The following MYO18B variants were observed in gnomAD, a reference collection of about 807,000 sequenced individuals.
MYO18B encodes the protein myosin XVIIIB, also known as unconventional myosin-XVIIIb.
A neutral mutation model predicts 273.0 loss-of-function variants in MYO18B; 204 were observed. The observed-to-expected ratio is 0.75, with a 90% CI of 0.67 to 0.84. The LOEUF is 0.84. Among genes scored for constraint, MYO18B ranks in the 40% least tolerant of loss-of-function variants. The probability of loss-of-function intolerance (pLI) is 0.00; values close to 1 mark genes in which losing one functional copy is unlikely to be tolerated. For missense variants in MYO18B, 3,212 were observed against 3,287.6 expected (o/e 0.98, Z 0.56); for synonymous variants, 1,330 against 1,305.7 (o/e 1.02, Z -0.40).
In MYO18B at chr22:25,795,141, C is replaced by A. The variant is rs2087854182; in HGVS notation, c.2377-2812C>A. Among the ~76,000 whole-genome samples, 3 of 152,258 alleles carry A rather than the reference C, an allele frequency of 2.0e-5. 1 individual carries two copies. The South Asian group carries it at 6.2e-4, about 32-fold the overall frequency. On this transcript the variant is annotated intron_variant, in intron 11 of 43. Coordinates refer to ENST00000335473, the MANE Select transcript of MYO18B (RefSeq NM_032608.7). ...CTCCATCGCTGTGCTCTGGGTATAC[C>A]ACTCTTTGTGGCTCCATTCTCCTGC...
chr22:25,844,300 C>T (rs1472594302), intron 18 of MYO18B, among the ~76,000 whole-genome samples: 1 of 152,182 alleles, frequency 6.6e-6, no homozygotes, highest in Non-Finnish European at 1.5e-5. Context: ...GCTGCTCAGC[C>T]CAGAGTGCTG....
chr22:26,014,627 T>C (rs1407906834), intron 42 of MYO18B, among the ~76,000 whole-genome samples: 2 of 152,230 alleles, frequency 1.3e-5, no homozygotes, highest in Non-Finnish European at 2.9e-5. Flanking sequence ...AGCTAGGCTT[T>C]TATTCTCTTA....
the MYO18B span, among the ~76,000 whole-genome samples, chr22:26,057,111 C>T: frequency 3.3e-5 from 5 of 152,008 alleles, no homozygotes; most frequent in Non-Finnish European, 5.9e-5. Flanking sequence ...CCTGGGTTCC[C>T]GGCCTTTTCC....
intron 25 of MYO18B, 121 bp from the exon 26 acceptor site, chr22:25,890,635 A>G: frequency 7.2e-7 from 1 of 1,392,308 alleles, no homozygotes; most frequent in Non-Finnish European, 9.7e-7. Flanking sequence ...CGAGTTGATT[A>G]TACTCAAGGG....
intron 42 of MYO18B, among the ~76,000 whole-genome samples, chr22:26,019,455 AG>A (rs1338037870): frequency 6.6e-6 from 1 of 152,238 alleles, no homozygotes; most frequent in Non-Finnish European, 1.5e-5. Context: ...ACTTGAGTAA[AG>A]TCTGCAAAGC....
At position 25,846,199 on chromosome 22, in the gene MYO18B, G is replaced by A; in HGVS notation, c.3468G>A (p.Arg1156=). Residue 1156 remains arginine, a synonymous_variant, in exon 19 of 44, where the codon AGG becomes AGA. Transcript: ENST00000335473. ...LEGTSQQALQ[R]SRMVRRTFAS... ...GCACCTCCCAGCAGGCCCTGCAGAG[G>A]AGCCGCATGGTGAGGAGGACCTTTG... 2 of 1,612,528 alleles carry A rather than the reference G, an allele frequency of 1.2e-6. No homozygotes were observed. The highest frequency in any genetic ancestry group is 3.3e-5 in the Admixed American group (2 of 60,002).
rs1423396002 is a variant in MYO18B, at chr22:26,027,908, A to G, written c.*12+218A>G. ...CTTCCTTGTACTTTGAAATGCAGAC[A>G]CATCAGAAAGTAAGAGGTTCCTGTG... On this transcript the variant is annotated intron_variant, in intron 43 of 43. Transcript: ENST00000335473. This position sits in a 1 kb window ranked among gnomAD's most constrained non-coding sequence, Gnocchi z 4.1. 1 of 503,300 alleles carries G rather than the reference A, an allele frequency of 2.0e-6. No individual in the cohort carries two copies. The highest frequency in any genetic ancestry group is 3.5e-6 in the Non-Finnish European group (1 of 288,104). The allele number at this position is 503,300 out of a possible 1,614,324, so 31.2% of individuals were successfully genotyped here.
chr22:25,766,766 G>T (rs2086520974), intron 3 of MYO18B, among the ~76,000 whole-genome samples: 1 of 152,210 alleles, frequency 6.6e-6, no homozygotes, highest in African/African-American at 2.4e-5. Flanking sequence ...GGAGGCTGGG[G>T]TTCCTTGTTG....
chr22:25,809,666 C>T (rs1279670447), intron 12 of MYO18B, among the ~76,000 whole-genome samples: 3 of 152,086 alleles, frequency 2.0e-5, no homozygotes, highest in African/African-American at 7.2e-5. Context: ...GGCTGTAACT[C>T]AGGGAGCCAG....
At chr22:25,824,158 G>A (rs187811899) in intron 13 of MYO18B, among the ~76,000 whole-genome samples, 1 of 152,320 alleles carries the variant, frequency 6.6e-6, no homozygotes, top group Admixed American at 6.5e-5. Flanking sequence ...GGGAAGCCGT[G>A]GAGTGGCTTA....
the MYO18B span, among the ~76,000 whole-genome samples, chr22:26,043,745 A>T: frequency 1.3e-5 from 2 of 151,554 alleles, no homozygotes; most frequent in African/African-American, 4.9e-5. Context: ...CGAACTCCTG[A>T]CCTCGTGATC....
At chr22:26,061,741 C>T in the MYO18B span, among the ~76,000 whole-genome samples, 1 of 151,768 alleles carries the variant, frequency 6.6e-6, no homozygotes, top group Non-Finnish European at 1.5e-5. Flanking sequence ...AGTGCTCACA[C>T]TCCCAACACA....
intron 1 of MYO18B, among the ~76,000 whole-genome samples, chr22:25,755,159 C>A (rs566355872): frequency 6.6e-5 from 10 of 152,194 alleles, no homozygotes; most frequent in Admixed American, 5.9e-4. Context: ...ATCCCCTCTC[C>A]CCTTTTGTCC....
At chr22:25,886,229 T>C (rs1187874142) in intron 25 of MYO18B, among the ~76,000 whole-genome samples, 1 of 152,214 alleles carries the variant, frequency 6.6e-6, no homozygotes, top group Non-Finnish European at 1.5e-5. Flanking sequence ...ATGGTTATTA[T>C]ATGTTACTTA....
intron 21 of MYO18B, among the ~76,000 whole-genome samples, chr22:25,865,832 C>G (rs1225783991): frequency 2.6e-5 from 4 of 152,080 alleles, no homozygotes; most frequent in African/African-American, 9.7e-5. Context: ...ATTCATCCAT[C>G]TTATCTTCAG....
At chr22:25,746,167 T>C (rs1473357346) in intron 1 of MYO18B, among the ~76,000 whole-genome samples, 1 of 152,234 alleles carries the variant, frequency 6.6e-6, no homozygotes, top group Non-Finnish European at 1.5e-5. Context: ...CATTACCTCA[T>C]TTAATCCACT....
At position 25,935,224 on chromosome 22, in the gene MYO18B, G is replaced by A. The variant is rs1034517023; in HGVS notation, c.5518-10913G>A. Among the ~76,000 whole-genome samples the A allele has an allele frequency of 2.0e-5, 3 of 152,138 alleles. No individual in the cohort carries two copies. The South Asian group carries it at 6.2e-4, about 32-fold the overall frequency. On this transcript the variant is annotated intron_variant, in intron 34 of 43. Coordinates refer to ENST00000335473, the MANE Select transcript of MYO18B (RefSeq NM_032608.7). The stretch of plus-strand genomic sequence containing the variant: ...ACTTTAAATGTGCCGCTTTGCCTTT[G>A]GAGCAAAAAGCAGACACTTCCATAA...
At chr22:25,879,639 G>A (rs777403504) in intron 25 of MYO18B, among the ~76,000 whole-genome samples, 8 of 152,184 alleles carry the variant, frequency 5.3e-5, no homozygotes, top group Admixed American at 2.0e-4. Context: ...CTCCAAGAAG[G>A]TCACTGCAAA....
chr22:26,052,659 G>A, the MYO18B span, among the ~76,000 whole-genome samples: 1 of 152,162 alleles, frequency 6.6e-6, no homozygotes, highest in Non-Finnish European at 1.5e-5. Context: ...TTGGCAGCTT[G>A]CTGAGTTTTT....
Sources: gnomAD v4.1 joint callset for allele counts (sites outside exome capture counted in the v4.1 genomes callset) on GRCh38, gnomAD v4.1.1 for gene constraint, Gnocchi (gnomAD v3.1) non-coding constraint, MANE v1.5 for transcripts, NCBI Gene and HGNC (gene_info 2026-07-23, HGNC 2026-07-21) for gene names.